Variants in MACROD2 observed in about 807,000 individuals in gnomAD.
MACROD2 encodes the protein ADP-ribose glycohydrolase MACROD2.
Under a neutral mutation model 70.4 loss-of-function variants are expected in MACROD2, and 36 were observed. That is an observed-to-expected ratio of 0.51 (90% CI 0.39 to 0.68). MACROD2 has a LOEUF of 0.68. Ranked by LOEUF, MACROD2 falls within the 30% of genes least tolerant of loss-of-function variation. MACROD2 has a pLI of 0.00. For synonymous variants in MACROD2, 172 were observed against 178.8 expected, an observed-to-expected ratio of 0.96 and a Z score of 0.30; for missense variants, 496 against 538.4, an observed-to-expected ratio of 0.92 and a Z score of 0.78.
At chr20:15,780,509 G>A (rs1467673954) in intron 8 of MACROD2, among the ~76,000 whole-genome samples, 1 of 152,144 alleles carries the variant, frequency 6.6e-6, no homozygotes, top group Non-Finnish European at 1.5e-5. Context: ...CAAGGAAGAA[G>A]AGGGCAATGA....
At chr20:15,357,798 C>CTTTTTTTTTTTTTTTTTTTTTTTTTTTT (rs200860242) in intron 6 of MACROD2, among the ~76,000 whole-genome samples, 1 of 135,638 alleles carries the variant, frequency 7.4e-6, no homozygotes. Flanking sequence ...TTCATTCATT[C>CTTTTTTTTTTTTTTTTTTTTTTTTTTTT]TTTTTTTTTT....
chr20:14,173,110 T>C (rs543934393), intron 3 of MACROD2, among the ~76,000 whole-genome samples: 2 of 152,336 alleles, frequency 1.3e-5, no homozygotes, highest in East Asian at 3.9e-4. Context: ...GATGACTGTG[T>C]TTCTAGGTGA....
At chr20:15,499,377 G>A (rs1302185078) in intron 7 of MACROD2, among the ~76,000 whole-genome samples, 2 of 152,104 alleles carry the variant, frequency 1.3e-5, no homozygotes, top group African/African-American at 4.8e-5. Context: ...TGGACTAACT[G>A]CATGTTTTCT....
intron 8 of MACROD2, among the ~76,000 whole-genome samples, chr20:15,525,022 A>G (rs1600533710): frequency 6.6e-6 from 1 of 152,184 alleles, no homozygotes; most frequent in Non-Finnish European, 1.5e-5. Context: ...GTATTGGCCA[A>G]CAGTTACTGC....
At chr20:14,282,515 G>A (rs2082314056) in intron 3 of MACROD2, among the ~76,000 whole-genome samples, 1 of 152,198 alleles carries the variant, frequency 6.6e-6, no homozygotes, top group Non-Finnish European at 1.5e-5. Context: ...TGTTCCGTGA[G>A]AAAGTGAGAA....
At chr20:16,011,216 C>G (rs2066858531) in intron 15 of MACROD2, among the ~76,000 whole-genome samples, 1 of 152,182 alleles carries the variant, frequency 6.6e-6, no homozygotes, top group African/African-American at 2.4e-5. Flanking sequence ...CAAATGTTGA[C>G]CACGCGGCAC....
intron 3 of MACROD2, among the ~76,000 whole-genome samples, chr20:14,391,958 C>A (rs2083531372): frequency 6.6e-6 from 1 of 151,382 alleles, no homozygotes; most frequent in African/African-American, 2.4e-5. Flanking sequence ...CATATGTACT[C>A]CCTGAATCTA....
At chr20:15,137,735 A>C (rs1403742868) in intron 5 of MACROD2, among the ~76,000 whole-genome samples, 1 of 151,980 alleles carries the variant, frequency 6.6e-6, no homozygotes, top group African/African-American at 2.4e-5. Flanking sequence ...TAATAATCTT[A>C]AAGGTAAGGT....
At chr20:14,192,451 T>C (rs2081396610) in intron 3 of MACROD2, among the ~76,000 whole-genome samples, 1 of 152,138 alleles carries the variant, frequency 6.6e-6, no homozygotes, top group South Asian at 2.1e-4. Context: ...ACGGGAGGTG[T>C]ATCTTAGGAT....
At chr20:14,683,604 AG>A (rs2070961778) in intron 4 of MACROD2, among the ~76,000 whole-genome samples, 1 of 152,216 alleles carries the variant, frequency 6.6e-6, no homozygotes. Flanking sequence ...TGAGGCCAAA[AG>A]TGATGCCTCC....
At chr20:15,637,435 T>C (rs1569815) in intron 8 of MACROD2, among the ~76,000 whole-genome samples, 114,986 of 152,138 alleles carry the variant, frequency 0.76, 44,234 homozygotes, top group Non-Finnish European at 0.84. Context: ...CTCACTCAAA[T>C]GTCTTGAGAA....
intron 4 of MACROD2, among the ~76,000 whole-genome samples, chr20:14,661,050 C>T (rs999145050): frequency 1.3e-5 from 2 of 152,022 alleles, no homozygotes; most frequent in Admixed American, 6.6e-5. Context: ...AATTCATTTT[C>T]CTGTGGGTAT....
chr20:15,231,207 G>A (rs1249521426), intron 6 of MACROD2, among the ~76,000 whole-genome samples: 1 of 151,920 alleles, frequency 6.6e-6, no homozygotes, highest in Non-Finnish European at 1.5e-5. Context: ...TATTAACAGA[G>A]CTGGATATTT....
chr20:14,290,827 A>G (rs2082380764), intron 3 of MACROD2, among the ~76,000 whole-genome samples: 2 of 152,204 alleles, frequency 1.3e-5, no homozygotes, highest in South Asian at 4.1e-4. Flanking sequence ...TATTTTTAAC[A>G]TGCTCTTTAG....
Position 14,464,900 on chromosome 20 carries a change from C to T in MACROD2, c.272-28579C>T, listed in dbSNP as rs1459865595. On this transcript the variant is annotated intron_variant, in intron 3 of 17. Transcript: ENST00000684519. ...TTTGATTGCACTGTGGTCTGAGAGA[C>T]AGTTTGTTATAATTTCTATTCTTTT... 1.2e-4 allele frequency among the ~76,000 whole-genome samples: 19 copies of T among 152,156 alleles called. No homozygotes were observed. The East Asian group carries it at 3.5e-3, about 28-fold the overall frequency.
intron 8 of MACROD2, among the ~76,000 whole-genome samples, chr20:15,623,716 C>CTATT (rs2049161545): frequency 2.6e-5 from 4 of 151,772 alleles, no homozygotes; most frequent in African/African-American, 9.7e-5. Flanking sequence ...ATCTATCTAT[C>CTATT]TATCGATGTG....
chr20:14,440,939 T>C (rs2084114989), intron 3 of MACROD2, among the ~76,000 whole-genome samples: 1 of 152,128 alleles, frequency 6.6e-6, no homozygotes, highest in African/African-American at 2.4e-5. Context: ...GCACATGGCA[T>C]GGTAAACAGA....
intron 5 of MACROD2, among the ~76,000 whole-genome samples, chr20:14,902,992 A>G (rs969216567): frequency 3.3e-5 from 5 of 151,534 alleles, no homozygotes; most frequent in African/African-American, 9.7e-5. Context: ...GTAGTAAAAG[A>G]AGTACGTCAG....
intron 5 of MACROD2, among the ~76,000 whole-genome samples, chr20:14,788,763 GTTTTTTTTTTTTTT>G: frequency 1.3e-5 from 1 of 79,476 alleles, no homozygotes; most frequent in African/African-American, 5.1e-5. Context: ...TAGTGGTGGT[GTTTTTTTTTTTTTT>G]TTTTTTTTTG....
Sources: allele counts gnomAD v4.1 joint callset (sites outside exome capture counted in the v4.1 genomes callset), GRCh38; gene constraint gnomAD v4.1.1; transcripts MANE v1.5; gene names NCBI Gene and HGNC (gene_info 2026-07-23, HGNC 2026-07-21).